GRIN2A: variants seen among roughly 807,000 people sequenced by gnomAD.
GRIN2A encodes glutamate ionotropic receptor NMDA type subunit 2A.
Under a neutral mutation model 113.4 loss-of-function variants are expected in GRIN2A, and 22 were observed. The ratio of observed to expected loss-of-function variants is 0.19; its 90% CI spans 0.14 to 0.28. GRIN2A has a LOEUF of 0.28. Among genes scored for constraint, GRIN2A ranks in the 10% least tolerant of loss-of-function variants. GRIN2A has a pLI of 1.00. For missense variants in GRIN2A, 1,502 were observed against 1,887.0 expected (o/e 0.80, Z 3.78); for synonymous variants, 827 against 738.4 (o/e 1.12, Z -1.94).
intron 10 of GRIN2A, among the ~76,000 whole-genome samples, chr16:9,803,233 C>T (rs936202872): frequency 5.9e-5 from 9 of 151,938 alleles, no homozygotes; most frequent in African/African-American, 1.7e-4. Context: ...GGAGAAACCC[C>T]GTCTCTACTA....
chr16:9,954,605 T>C (rs562898218), intron 2 of GRIN2A, among the ~76,000 whole-genome samples: 2 of 152,278 alleles, frequency 1.3e-5, no homozygotes, highest in Admixed American at 1.3e-4. Context: ...TCACACAAGA[T>C]GGTGATTAGA....
intron 2 of GRIN2A, among the ~76,000 whole-genome samples, chr16:9,975,489 C>G (rs563465228): frequency 1.3e-5 from 2 of 152,172 alleles, no homozygotes; most frequent in African/African-American, 4.8e-5. Context: ...AAAGAAGTCT[C>G]TAGGAGCAAA....
At chr16:9,995,841 G>T (rs1342739902) in intron 2 of GRIN2A, among the ~76,000 whole-genome samples, 2 of 151,896 alleles carry the variant, frequency 1.3e-5, no homozygotes, top group South Asian at 4.2e-4. Context: ...GAGAAGTAAG[G>T]CTTATGGGAT....
At chr16:10,010,568 C>G (rs1221211755) in intron 2 of GRIN2A, among the ~76,000 whole-genome samples, 1 of 152,212 alleles carries the variant, frequency 6.6e-6, no homozygotes, top group Non-Finnish European at 1.5e-5. Flanking sequence ...TGTATAGGAA[C>G]TGTTTAATAT....
At chr16:10,130,108 G>A (rs2049030982) in intron 2 of GRIN2A, among the ~76,000 whole-genome samples, 1 of 152,202 alleles carries the variant, frequency 6.6e-6, no homozygotes, top group Non-Finnish European at 1.5e-5. Context: ...AGATAGGTAT[G>A]GGGACATGCT....
At position 10,054,967 on chromosome 16, in the gene GRIN2A, G is replaced by C. The variant is rs1481734797; in HGVS notation, c.415-116416C>G. Among the ~76,000 whole-genome samples the C allele has an allele frequency of 3.6e-5, 5 of 140,180 alleles. No individual in the cohort carries two copies. The East Asian group carries it at 1.2e-3, about 33-fold the overall frequency. 92.0% of individuals were successfully genotyped at this position (140,180 alleles called of 152,430 possible). ...GAAGCTGGAGGCAGGAGAATCGCTT[G>C]AACCCAGGAGGCGGAGGTTGCAGTG... On this transcript the variant is annotated intron_variant, in intron 2 of 12. Coordinates refer to ENST00000330684, the MANE Select transcript of GRIN2A (RefSeq NM_001134407.3).
chr16:9,952,802 T>C (rs188755545), intron 2 of GRIN2A, among the ~76,000 whole-genome samples: 5 of 150,880 alleles, frequency 3.3e-5, no homozygotes, highest in Admixed American at 3.3e-4. Context: ...CAAATAATTA[T>C]TGAATGAAAG....
At chr16:10,064,918 C>T (rs549059357) in intron 2 of GRIN2A, among the ~76,000 whole-genome samples, 1 of 152,140 alleles carries the variant, frequency 6.6e-6, no homozygotes, top group Admixed American at 6.6e-5. Flanking sequence ...CGGACGAATC[C>T]CCATGCCTCA....
At chr16:9,932,816 G>T (rs750742698) in intron 3 of GRIN2A, among the ~76,000 whole-genome samples, 13 of 152,306 alleles carry the variant, frequency 8.5e-5, no homozygotes, top group Non-Finnish European at 1.6e-4. Flanking sequence ...CCGACGTGGA[G>T]TTCAGTGACT....
At chr16:10,064,362 C>G (rs73508678) in intron 2 of GRIN2A, among the ~76,000 whole-genome samples, 4,574 of 152,258 alleles carry the variant, frequency 0.03, 248 homozygotes, top group African/African-American at 0.11. Context: ...CTGGTCTAAC[C>G]TCATCTTCAC....
chr16:10,093,629 A>C (rs2048228453), intron 2 of GRIN2A, among the ~76,000 whole-genome samples: 1 of 151,774 alleles, frequency 6.6e-6, no homozygotes, highest in Non-Finnish European at 1.5e-5. Context: ...AAAAAAAAAA[A>C]CAAAAAACCT....
At chr16:9,899,376 G>A (rs1288386234) in intron 3 of GRIN2A, among the ~76,000 whole-genome samples, 1 of 143,578 alleles carries the variant, frequency 7.0e-6, no homozygotes, top group Non-Finnish European at 1.5e-5. Context: ...GGAGGTGGAG[G>A]TTGTGGTGAG....
intron 11 of GRIN2A, among the ~76,000 whole-genome samples, chr16:9,794,085 C>T (rs1902802180): frequency 6.6e-6 from 1 of 152,200 alleles, no homozygotes; most frequent in Non-Finnish European, 1.5e-5. Flanking sequence ...TACTCCAGTA[C>T]TGAGAGCCAA....
chr16:9,839,645 G>A lies in GRIN2A; in HGVS notation c.1651+1002C>T, dbSNP rs571091107. ...TTGTGGGATGGAGGATGGATATGTA[G>A]ATGCTGAATAAAGGTCTATGAGCTG... On this transcript the variant is annotated intron_variant, in intron 7 of 12. Transcript: ENST00000330684. 4.0e-4 allele frequency among the ~76,000 whole-genome samples: 61 copies of A among 152,304 alleles called. No homozygotes were observed. The South Asian group carries it at 5.4e-3, about 13-fold the overall frequency.
chr16:9,888,766 T>C (rs998888215), intron 4 of GRIN2A, among the ~76,000 whole-genome samples: 6 of 152,010 alleles, frequency 3.9e-5, no homozygotes, highest in Non-Finnish European at 7.4e-5. Context: ...TTATAGGTTT[T>C]TCATAGATAC....
intron 3 of GRIN2A, among the ~76,000 whole-genome samples, chr16:9,935,312 G>A (rs1407878372): frequency 1.3e-5 from 2 of 152,126 alleles, no homozygotes; most frequent in Non-Finnish European, 2.9e-5. Flanking sequence ...AGACTCCCAT[G>A]TCTCATGCTG....
At chr16:9,780,724 A>G (rs1013559366) in intron 11 of GRIN2A, among the ~76,000 whole-genome samples, 35 of 152,390 alleles carry the variant, frequency 2.3e-4, no homozygotes, top group African/African-American at 7.2e-4. Context: ...AACAAATAGA[A>G]AAAAACAGTG....
intron 4 of GRIN2A, among the ~76,000 whole-genome samples, chr16:9,882,987 G>C (rs1281421575): frequency 6.6e-6 from 1 of 152,098 alleles, no homozygotes; most frequent in Admixed American, 6.5e-5. Context: ...ACATGATGTA[G>C]TGGTGGTGAA....
At chr16:9,823,091 G>A (rs566222111) in intron 9 of GRIN2A, among the ~76,000 whole-genome samples, 3 of 152,248 alleles carry the variant, frequency 2.0e-5, no homozygotes, top group East Asian at 1.9e-4. Context: ...TCAGGGATAC[G>A]CAGCACTCGG....
Sources: allele counts gnomAD v4.1 joint callset (sites outside exome capture counted in the v4.1 genomes callset), GRCh38; gene constraint gnomAD v4.1.1; transcripts MANE v1.5; gene names NCBI Gene and HGNC (gene_info 2026-07-23, HGNC 2026-07-21).